SGCZ: variants seen among roughly 807,000 people sequenced by gnomAD.
SGCZ encodes the protein zeta-sarcoglycan.
Under a neutral mutation model 41.3 loss-of-function variants are expected in SGCZ, and 40 were observed. The ratio of observed to expected loss-of-function variants is 0.97; its 90% CI spans 0.75 to 1.26. The LOEUF is 1.26. Among genes scored for constraint, SGCZ ranks in the 50% most tolerant of loss-of-function variants. SGCZ has a pLI of 0.00. For missense variants in SGCZ, 552 were observed against 369.8 expected (o/e 1.49, Z -4.04); for synonymous variants, 206 against 137.5 (o/e 1.50, Z -3.49).
At chr8:14,929,429 C>A (rs540401592) in intron 1 of SGCZ, among the ~76,000 whole-genome samples, 1 of 151,830 alleles carries the variant, frequency 6.6e-6, no homozygotes, top group South Asian at 2.1e-4. Context: ...ATACTCTCAC[C>A]CAGATATGTT....
At chr8:14,983,508 T>C (rs987665128) in intron 1 of SGCZ, among the ~76,000 whole-genome samples, 2 of 151,628 alleles carry the variant, frequency 1.3e-5, no homozygotes, top group South Asian at 2.1e-4. Context: ...GCCTCCAGAG[T>C]AGTATTTCTT....
intron 5 of SGCZ, among the ~76,000 whole-genome samples, chr8:14,161,814 AAAAG>A (rs1804054404): frequency 6.6e-6 from 1 of 152,134 alleles, no homozygotes; most frequent in Non-Finnish European, 1.5e-5. Flanking sequence ...GAAAGAAATG[AAAAG>A]AGAGAGCCAG....
chr8:15,160,062 A>G (rs1354127604), intron 1 of SGCZ, among the ~76,000 whole-genome samples: 2 of 151,942 alleles, frequency 1.3e-5, no homozygotes, highest in Admixed American at 1.3e-4. Context: ...ATATTGGCCC[A>G]TTTTTAAGTG....
chr8:14,154,100 G>C (rs189167107), intron 5 of SGCZ, among the ~76,000 whole-genome samples: 27 of 152,260 alleles, frequency 1.8e-4, no homozygotes, highest in Admixed American at 4.6e-4. Context: ...GCCGGGCCCG[G>C]TGGCTCATGC....
chr8:15,203,270 T>C (rs1468560190), intron 1 of SGCZ, among the ~76,000 whole-genome samples: 1 of 152,216 alleles, frequency 6.6e-6, no homozygotes, highest in Non-Finnish European at 1.5e-5. Context: ...TAAATCTATA[T>C]TCTAAAAGTT....
At chr8:15,133,460 T>C (rs1443070366) in intron 1 of SGCZ, among the ~76,000 whole-genome samples, 2 of 152,216 alleles carry the variant, frequency 1.3e-5, no homozygotes, top group Non-Finnish European at 2.9e-5. Flanking sequence ...ACGTCTTTTC[T>C]GGCTGAAAAA....
intron 2 of SGCZ, among the ~76,000 whole-genome samples, chr8:14,438,572 G>A (rs1009670819): frequency 6.6e-6 from 1 of 151,898 alleles, no homozygotes; most frequent in African/African-American, 2.4e-5. Flanking sequence ...AGCATAAAAA[G>A]TGTTCCTAGA....
chr8:14,190,597 C>T (rs2169701), intron 4 of SGCZ, among the ~76,000 whole-genome samples: 113,964 of 151,740 alleles, frequency 0.75, 43,786 homozygotes, highest in African/African-American at 0.9. Context: ...TAAATCTTCT[C>T]TTAATTTCTT....
At chr8:14,171,452 C>G (rs969531248) in intron 4 of SGCZ, among the ~76,000 whole-genome samples, 1 of 151,916 alleles carries the variant, frequency 6.6e-6, no homozygotes, top group Admixed American at 6.6e-5. Flanking sequence ...GAAGTAAAAT[C>G]TGCAGATGTA....
intron 1 of SGCZ, among the ~76,000 whole-genome samples, chr8:14,701,195 T>C (rs1403751287): frequency 6.6e-6 from 1 of 151,948 alleles, no homozygotes; most frequent in African/African-American, 2.4e-5. Context: ...ACAATAAATA[T>C]GTATTACTAA....
chr8:14,435,437 C>T (rs1800061517), intron 2 of SGCZ, among the ~76,000 whole-genome samples: 1 of 152,168 alleles, frequency 6.6e-6, no homozygotes, highest in Non-Finnish European at 1.5e-5. Context: ...TGTTTACACA[C>T]ATGGCTCCCT....
At chr8:15,033,757 C>T (rs886142842) in intron 1 of SGCZ, among the ~76,000 whole-genome samples, 1 of 152,150 alleles carries the variant, frequency 6.6e-6, no homozygotes, top group Non-Finnish European at 1.5e-5. Context: ...CCTGTGGACC[C>T]AGGATTCAGG....
At chr8:15,031,902 C>CCTCTCTCT (rs751690018) in intron 1 of SGCZ, among the ~76,000 whole-genome samples, 3,532 of 130,676 alleles carry the variant, frequency 0.027, 71 homozygotes, top group East Asian at 0.034. Flanking sequence ...CCTCTATATT[C>CCTCTCTCT]CTCTCTCTCT....
Position 14,341,559 on chromosome 8 carries a change from C to T in SGCZ, c.235-17355G>A, listed in dbSNP as rs541411172. On this transcript the variant is annotated intron_variant, in intron 2 of 7. Transcript: ENST00000382080. Reference sequence around the variant, plus strand: ...AAATCAGAGATGTTTATCTTTCAAGCCCTTGTTCATTTTTTTCTCAAACTG... The same window carrying T: ...AAATCAGAGATGTTTATCTTTCAAGTCCTTGTTCATTTTTTTCTCAAACTG... Among the ~76,000 whole-genome samples the T allele has an allele frequency of 6.6e-5, 10 of 152,186 alleles. No individual in the cohort carries two copies. The South Asian group carries it at 2.1e-3, about 32-fold the overall frequency.
At chr8:15,029,538 G>A (rs1024101646) in intron 1 of SGCZ, among the ~76,000 whole-genome samples, 2 of 152,008 alleles carry the variant, frequency 1.3e-5, no homozygotes, top group Non-Finnish European at 2.9e-5. Context: ...TGAATATTTA[G>A]TTAGTATGTT....
intron 1 of SGCZ, among the ~76,000 whole-genome samples, chr8:14,582,729 A>T (rs1377547903): frequency 7.2e-6 from 1 of 139,186 alleles, no homozygotes; most frequent in Non-Finnish European, 1.5e-5. Flanking sequence ...TCATTGTTCA[A>T]TTCCCACCTA....
chr8:14,493,553 A>G (rs1388302542), intron 2 of SGCZ, among the ~76,000 whole-genome samples: 1 of 150,628 alleles, frequency 6.6e-6, no homozygotes, highest in Admixed American at 6.6e-5. Context: ...TTTTTAGTAG[A>G]GATGGGGTTT....
chr8:14,615,044 G>T (rs35885558), intron 1 of SGCZ, among the ~76,000 whole-genome samples: 51,872 of 151,722 alleles, frequency 0.34, 9,126 homozygotes, highest in East Asian at 0.62. Context: ...GTTACAAAAA[G>T]ATTAAAAGTG....
chr8:14,706,154 C>T (rs17116185), intron 1 of SGCZ, among the ~76,000 whole-genome samples: 5,571 of 152,024 alleles, frequency 0.037, 355 homozygotes, highest in African/African-American at 0.13. Context: ...GAAATCTTAT[C>T]TGTAAATTAG....
Sources: gnomAD v4.1 joint callset for allele counts (sites outside exome capture counted in the v4.1 genomes callset) on GRCh38, gnomAD v4.1.1 for gene constraint, MANE v1.5 for transcripts, NCBI Gene and HGNC (gene_info 2026-07-23, HGNC 2026-07-21) for gene names.